HAUS6: variants seen among roughly 807,000 people sequenced by gnomAD.
The protein encoded by HAUS6 is HAUS augmin-like complex subunit 6.
A neutral mutation model predicts 106.8 loss-of-function variants in HAUS6; 80 were observed. The observed-to-expected ratio is 0.75, with a 90% CI of 0.63 to 0.90. HAUS6 has a LOEUF of 0.90. HAUS6 is among the 40% of genes least tolerant of loss of function. The probability of loss-of-function intolerance (pLI) is 0.00; values close to 1 mark genes in which losing one functional copy is unlikely to be tolerated. For missense variants in HAUS6, 1,155 were observed against 1,118.1 expected, an observed-to-expected ratio of 1.03 and a Z score of -0.47; for synonymous variants, 356 against 379.1, an observed-to-expected ratio of 0.94 and a Z score of 0.71.
intron 9 of HAUS6, among the ~76,000 whole-genome samples, chr9:19,079,740 T>G (rs1344520716): frequency 2.6e-5 from 4 of 151,612 alleles, no homozygotes; most frequent in Non-Finnish European, 5.9e-5. Context: ...CCATCCCTAC[T>G]AAAAATACAA....
At chr9:19,059,225 G>A (rs749918133) in intron 15 of HAUS6, among the ~76,000 whole-genome samples, 2 of 152,168 alleles carry the variant, frequency 1.3e-5, no homozygotes, top group East Asian at 1.9e-4. Context: ...AGCTGTTCCT[G>A]AAATATGCAT....
chr9:19,091,785 C>A (rs1817755058), intron 4 of HAUS6, among the ~76,000 whole-genome samples: 1 of 152,100 alleles, frequency 6.6e-6, no homozygotes. Flanking sequence ...CCTCAGCCTC[C>A]CAAGTAGCTG....
Position 19,058,699 on chromosome 9 carries a change from T to C in HAUS6, c.2068A>G (p.Lys690Glu). 6.2e-7 allele frequency: 1 copy of C among 1,613,706 alleles called. No individual in the cohort carries two copies. Among genetic ancestry groups the C allele is most frequent in the Middle Eastern group, 1.6e-4 (1 of 6,062 alleles). The change falls in exon 16 of 17, where the codon AAA becomes GAA. Residue 690 changes from lysine (K) to glutamate (E), a missense_variant. Coordinates refer to ENST00000380502, the MANE Select transcript of HAUS6 (RefSeq NM_017645.5). ...TCCAAATCTTGCTTGCAAATTACTT[T>C]CTTATTTAACAAATCTGACTGATTT... ...TQNQSDLLNK[K>E]VICKQDLECL...
At position 19,080,499 on chromosome 9, in the gene HAUS6, T is replaced by C. The variant is rs372020124; in HGVS notation, c.1044A>G (p.Leu348=). 3.7e-6 allele frequency: 6 copies of C among 1,606,942 alleles called. No individual in the cohort carries two copies. Among genetic ancestry groups the C allele is most frequent in the African/African-American group, 2.7e-5 (2 of 74,766 alleles). ...EKETKFQKER[L]SDLKHMRYRI... is the part of the protein sequence containing the mutation. ...TGTACCTCATATGTTTCAGATCTGA[T>C]AATCTTTCCTTCTGAAATTTGGTCT... is the stretch of plus-strand genomic sequence containing the variant. The change falls in exon 9 of 17, where the codon TTA becomes TTG. Residue 348 remains leucine, a synonymous_variant. Coordinates refer to ENST00000380502, the MANE Select transcript of HAUS6 (RefSeq NM_017645.5).
At chr9:19,088,005 G>A (rs1588621479) in intron 5 of HAUS6, among the ~76,000 whole-genome samples, 1 of 152,066 alleles carries the variant, frequency 6.6e-6, no homozygotes, top group African/African-American at 2.4e-5. Context: ...AAGATATGCT[G>A]CATAGATGAA....
At chr9:19,073,408 A>C (rs1040112496) in intron 11 of HAUS6, among the ~76,000 whole-genome samples, 2 of 144,768 alleles carry the variant, frequency 1.4e-5, no homozygotes, top group African/African-American at 5.5e-5. Flanking sequence ...GCTCAGATCA[A>C]GGTTCTATAC....
Position 19,063,212 on chromosome 9 carries a change from T to A in HAUS6, c.1444-19A>T. 6.6e-7 allele frequency: 1 copy of A among 1,522,066 alleles called. No individual in the cohort carries two copies. Among genetic ancestry groups the A allele is most frequent in the Non-Finnish European group, 9.0e-7 (1 of 1,107,012 alleles). 94.3% of individuals were successfully genotyped at this position (1,522,066 alleles called of 1,614,324 possible). A position where few individuals can be genotyped will look rare whatever the true frequency, so the allele number is the denominator to read the frequency against. On this transcript the variant is annotated intron_variant, in intron 13 of 16. Coordinates refer to ENST00000380502, the MANE Select transcript of HAUS6 (RefSeq NM_017645.5). ...TTGTGTCCTGAAGAAGACAGATATG[T>A]AATGTTAAACCCTTAATAATCATGG...
chr9:19,093,251 G>A lies in HAUS6; in HGVS notation c.356C>T (p.Pro119Leu), dbSNP rs1817793396. The A allele has an allele frequency of 2.5e-6, 4 of 1,610,070 alleles. No individual in the cohort carries two copies. Among genetic ancestry groups the A allele is most frequent in the Non-Finnish European group, 3.4e-6 (4 of 1,177,508 alleles). Residue 119 changes from proline (P) to leucine (L), a missense_variant, in exon 4 of 17, where the codon CCT becomes CTT. By Grantham distance (98) the Pro-to-Leu change is moderately conservative (BLOSUM62 -3). Coordinates refer to ENST00000380502, the MANE Select transcript of HAUS6 (RefSeq NM_017645.5). ...PQVVGSLFLSPGGPKFIHLMY... is the reference protein window; with the variant it reads ...PQVVGSLFLSLGGPKFIHLMY... ...CAGATGAATAAACTTAGGACCACCA[G>A]GAGAAAGAAATAGTGAACCAACAAC...
chr9:19,072,658 T>C (rs895737510), intron 11 of HAUS6, among the ~76,000 whole-genome samples: 3 of 152,128 alleles, frequency 2.0e-5, no homozygotes, highest in African/African-American at 7.2e-5. Context: ...TAAACTATCA[T>C]TCAAAAATGA....
At position 19,102,882 on chromosome 9, in the gene HAUS6, A is replaced by C; in HGVS notation, c.-231T>G. 1 of 396,034 alleles carries C rather than the reference A, an allele frequency of 2.5e-6. No homozygotes were observed. 24.5% of individuals were successfully genotyped at this position (396,034 alleles called of 1,614,324 possible). ...ACCACTGCCTCAGCGAAGCCACCACAAACCGAGACTCCCGCCCTTAAGGAA... is the reference window on the plus strand; with the variant it reads ...ACCACTGCCTCAGCGAAGCCACCACCAACCGAGACTCCCGCCCTTAAGGAA... On this transcript the variant is annotated 5_prime_UTR_variant, in exon 1 of 17. Transcript: ENST00000380502.
At chr9:19,094,245 C>T (rs1274638824) in intron 3 of HAUS6, 72 bp downstream of exon 3, 1 of 857,604 alleles carries the variant, frequency 1.2e-6, no homozygotes, top group African/African-American at 1.7e-5. Context: ...GATTTCACCT[C>T]TAAAAAGTTA....
At chr9:19,075,281 T>C (rs1170580048) in intron 11 of HAUS6, among the ~76,000 whole-genome samples, 2 of 152,242 alleles carry the variant, frequency 1.3e-5, no homozygotes, top group Admixed American at 6.5e-5. Flanking sequence ...AGGTTTCTTT[T>C]TCAAGTGATG....
intron 4 of HAUS6, 30 bp from the exon 5 acceptor site, chr9:19,089,589 A>C: frequency 6.4e-7 from 1 of 1,573,680 alleles, no homozygotes; most frequent in Non-Finnish European, 8.7e-7. Flanking sequence ...GATTATAGAA[A>C]ACAGGCTGGT....
At chr9:19,084,477 A>G (rs1837240478) in intron 7 of HAUS6, among the ~76,000 whole-genome samples, 1 of 152,198 alleles carries the variant, frequency 6.6e-6, no homozygotes, top group Non-Finnish European at 1.5e-5. Context: ...GTCAAGCTAT[A>G]TACTTATGAG....
At chr9:19,071,913 CTA>C (rs1357419696) in intron 11 of HAUS6, among the ~76,000 whole-genome samples, 2 of 151,860 alleles carry the variant, frequency 1.3e-5, no homozygotes, top group Non-Finnish European at 2.9e-5. Flanking sequence ...AATTAACTAA[CTA>C]TAAATGGGCC....
chr9:19,083,102 T>C (rs1837200979), intron 7 of HAUS6, 59 bp from the exon 8 acceptor site: 4 of 926,974 alleles, frequency 4.3e-6, no homozygotes, highest in Non-Finnish European at 4.7e-6. Context: ...ATTTTAAAAA[T>C]GTAAATGTAT....
Position 19,063,381 on chromosome 9 carries a change from T to C in HAUS6, c.1443+133A>G, listed in dbSNP as rs151330711. The stretch of plus-strand genomic sequence containing the variant: ...CTTAGCAATAAGGAATATAAGTAGA[T>C]ATGGTACAAAATGTACAAATAGTAG... On this transcript the variant is annotated intron_variant, in intron 13 of 16. Transcript: ENST00000380502. The C allele has an allele frequency of 2.0e-3, 1,281 of 653,788 alleles. 16 individuals carry two copies. The highest frequency in any genetic ancestry group is 0.014 in the South Asian group (634 of 45,044). The allele number at this position is 653,788 out of a possible 1,614,324, so 40.5% of individuals were successfully genotyped here. A position where few individuals can be genotyped will look rare whatever the true frequency, so the allele number is the denominator to read the frequency against.
chr9:19,073,589 A>G lies in HAUS6; in HGVS notation c.1294+3013T>C, dbSNP rs145334314. ...GCAAGAGTGCAAAAGCCCTTTCCCA[A>G]CTGAAATGAAAACACAACACAACCC... On this transcript the variant is annotated intron_variant, in intron 11 of 16. Transcript: ENST00000380502. Among the ~76,000 whole-genome samples the G allele has an allele frequency of 4.1e-3, 623 of 151,848 alleles. 3 individuals carry two copies. Among genetic ancestry groups the G allele is most frequent in the African/African-American group, 0.014 (598 of 41,416 alleles).
intron 1 of HAUS6, among the ~76,000 whole-genome samples, chr9:19,102,207 C>A (rs1279412743): frequency 6.6e-6 from 1 of 152,154 alleles, no homozygotes; most frequent in African/African-American, 2.4e-5. Context: ...CTACCACCCG[C>A]CATCCCTCCC....
Sources: gnomAD v4.1 joint callset for allele counts (sites outside exome capture counted in the v4.1 genomes callset) on GRCh38, gnomAD v4.1.1 for gene constraint, MANE v1.5 for transcripts, NCBI Gene and HGNC (gene_info 2026-07-23, HGNC 2026-07-21) for gene names.